The following MLLT3 variants were observed in gnomAD, a reference collection of about 807,000 sequenced individuals.
MLLT3 encodes the protein protein AF-9.
A neutral mutation model predicts 53.2 loss-of-function variants in MLLT3; 4 were observed. The ratio of observed to expected loss-of-function variants is 0.08; its 90% CI spans 0.04 to 0.17. The LOEUF (loss-of-function observed/expected upper bound fraction) is 0.17. Among genes scored for constraint, MLLT3 ranks in the 10% least tolerant of loss-of-function variants. The pLI is 1.00. For missense variants in MLLT3, 569 were observed against 684.0 expected (o/e 0.83, Z 1.87); for synonymous variants, 283 against 230.6 (o/e 1.23, Z -2.06).
intron 5 of MLLT3, among the ~76,000 whole-genome samples, chr9:20,367,814 G>A (rs1315096847): frequency 6.6e-6 from 1 of 152,204 alleles, no homozygotes; most frequent in Non-Finnish European, 1.5e-5. Flanking sequence ...AAATGAGGAT[G>A]AGAATCTCAG....
chr9:20,458,708 G>C (rs1452408914), intron 2 of MLLT3, among the ~76,000 whole-genome samples: 1 of 152,076 alleles, frequency 6.6e-6, no homozygotes, highest in Non-Finnish European at 1.5e-5. Context: ...CTCTGATCTG[G>C]GACTTTCAGT....
chr9:20,375,031 G>A (rs1432187371), intron 5 of MLLT3, among the ~76,000 whole-genome samples: 1 of 152,182 alleles, frequency 6.6e-6, no homozygotes, highest in African/African-American at 2.4e-5. Flanking sequence ...CAGCAAGAAC[G>A]CAGCCATCTG....
At chr9:20,494,912 A>C (rs1365160610) in intron 2 of MLLT3, among the ~76,000 whole-genome samples, 2 of 152,316 alleles carry the variant, frequency 1.3e-5, no homozygotes, top group East Asian at 3.9e-4. Flanking sequence ...CCATAGTTGT[A>C]CTATACATAT....
At chr9:20,481,479 C>T (rs1340278461) in intron 2 of MLLT3, among the ~76,000 whole-genome samples, 3 of 152,088 alleles carry the variant, frequency 2.0e-5, no homozygotes, top group African/African-American at 4.8e-5. Flanking sequence ...AACATAAGGA[C>T]GGCCAACTGT....
intron 2 of MLLT3, among the ~76,000 whole-genome samples, chr9:20,459,901 A>G (rs1177311866): frequency 6.6e-6 from 1 of 152,208 alleles, no homozygotes; most frequent in Non-Finnish European, 1.5e-5. Context: ...AACAACAGGA[A>G]CTTTTTACAC....
chr9:20,419,028 C>G (rs1293687290), intron 4 of MLLT3, among the ~76,000 whole-genome samples: 1 of 152,046 alleles, frequency 6.6e-6, no homozygotes, highest in East Asian at 1.9e-4. Context: ...ACAGCTCAAC[C>G]TCAATCCCAA....
intron 2 of MLLT3, among the ~76,000 whole-genome samples, chr9:20,579,731 CACT>C (rs1249839018): frequency 6.6e-6 from 1 of 152,118 alleles, no homozygotes; most frequent in Non-Finnish European, 1.5e-5. Context: ...CCTTTTTACT[CACT>C]ACTAAGTCCA....
intron 3 of MLLT3, among the ~76,000 whole-genome samples, chr9:20,454,145 A>G (rs1433996242): frequency 6.6e-6 from 1 of 152,140 alleles, no homozygotes; most frequent in African/African-American, 2.4e-5. Flanking sequence ...CACAAAATGA[A>G]TATATGTTTT....
intron 2 of MLLT3, among the ~76,000 whole-genome samples, chr9:20,505,376 C>T (rs559672055): frequency 6.6e-6 from 1 of 152,214 alleles, no homozygotes; most frequent in South Asian, 2.1e-4. Flanking sequence ...ACCTTATTTG[C>T]TAAATTATAA....
At chr9:20,378,760 T>C (rs534019984) in intron 5 of MLLT3, among the ~76,000 whole-genome samples, 28 of 152,202 alleles carry the variant, frequency 1.8e-4, no homozygotes, top group African/African-American at 6.7e-4. Context: ...AATATATCTA[T>C]TTTAAGAAGT....
intron 2 of MLLT3, among the ~76,000 whole-genome samples, chr9:20,501,079 A>G (rs1825211780): frequency 6.6e-6 from 1 of 152,204 alleles, no homozygotes; most frequent in Non-Finnish European, 1.5e-5. Flanking sequence ...ATTTTTGGAT[A>G]ATTTACCAAT....
chr9:20,431,881 A>G (rs1219377162), intron 4 of MLLT3, among the ~76,000 whole-genome samples: 1 of 152,172 alleles, frequency 6.6e-6, no homozygotes, highest in African/African-American at 2.4e-5. Flanking sequence ...AAATACATAT[A>G]CTATTATACC....
intron 3 of MLLT3, among the ~76,000 whole-genome samples, chr9:20,455,569 A>C (rs1310157546): frequency 6.6e-6 from 1 of 152,234 alleles, no homozygotes; most frequent in African/African-American, 2.4e-5. Flanking sequence ...AATGCTATCC[A>C]AAGAACCATA....
At chr9:20,468,623 A>C (rs1824293972) in intron 2 of MLLT3, among the ~76,000 whole-genome samples, 1 of 152,236 alleles carries the variant, frequency 6.6e-6, no homozygotes, top group African/African-American at 2.4e-5. Context: ...ATGGGGAATC[A>C]GGGGACCTGG....
At chr9:20,426,433 T>C (rs1374813681) in intron 4 of MLLT3, among the ~76,000 whole-genome samples, 1 of 152,152 alleles carries the variant, frequency 6.6e-6, no homozygotes, top group Non-Finnish European at 1.5e-5. Context: ...CTTCAGATTA[T>C]ATTACTAATC....
At chr9:20,355,326 T>C (rs548539707) in intron 8 of MLLT3, among the ~76,000 whole-genome samples, 29 of 152,288 alleles carry the variant, frequency 1.9e-4, no homozygotes, top group African/African-American at 5.8e-4. Flanking sequence ...TCAAATGCCC[T>C]TTTTAGTACC....
chr9:20,565,705 A>G (rs1819336324), intron 2 of MLLT3, among the ~76,000 whole-genome samples: 1 of 150,888 alleles, frequency 6.6e-6, no homozygotes, highest in African/African-American at 2.4e-5. Context: ...CAAATCCCCA[A>G]AGAAAATATG....
Position 20,500,234 on chromosome 9 carries a change from T to C in MLLT3, c.194-43448A>G, listed in dbSNP as rs375496244. ...AGGGCTAGCAGGGCAAAGGTCTGGC[T>C]GCTTAATACAGTTGGTCTTCTCAGG... On this transcript the variant is annotated intron_variant, in intron 2 of 10. Transcript: ENST00000380338. 4.2e-4 allele frequency among the ~76,000 whole-genome samples: 64 copies of C among 152,268 alleles called. 2 individuals carry two copies. In the South Asian group the frequency reaches 0.013, roughly 30 times the overall value.
chr9:20,479,993 T>C (rs865830541), intron 2 of MLLT3, among the ~76,000 whole-genome samples: 5 of 152,298 alleles, frequency 3.3e-5, no homozygotes, highest in South Asian at 4.1e-4. Flanking sequence ...TGCCGAGTTA[T>C]GCTTCTGGTA....
Sources: gnomAD v4.1 joint callset for allele counts (sites outside exome capture counted in the v4.1 genomes callset) on GRCh38, gnomAD v4.1.1 for gene constraint, MANE v1.5 for transcripts, NCBI Gene and HGNC (gene_info 2026-07-23, HGNC 2026-07-21) for gene names.